The following PRKG1 variants were observed in gnomAD, a reference collection of about 807,000 sequenced individuals.
PRKG1 encodes the protein protein kinase cGMP-dependent 1, also known as cGMP-dependent protein kinase 1.
PRKG1 carries 35 observed loss-of-function variants against 88.1 expected under a neutral mutation model. That is an observed-to-expected ratio of 0.40 (90% CI 0.30 to 0.53). PRKG1 has a LOEUF of 0.53. Among genes scored for constraint, PRKG1 ranks in the 20% least tolerant of loss-of-function variants. The pLI, the probability that PRKG1 is intolerant of heterozygous loss-of-function variation, is 0.59. For synonymous variants in PRKG1, 303 were observed against 292.5 expected (o/e 1.04, Z -0.37); for missense variants, 540 against 839.8 (o/e 0.64, Z 4.41).
chr10:51,893,275 G>A lies in PRKG1; in HGVS notation c.699-14232G>A, dbSNP rs372099686. The stretch of plus-strand genomic sequence containing the variant: ...CAATAAATGTTTCTCTTCTGAATTC[G>A]TCTCAAGTAAATAGCCTCAAGGAAA... On this transcript the variant is annotated intron_variant, in intron 4 of 17. Coordinates refer to ENST00000373980, the MANE Select transcript of PRKG1 (RefSeq NM_006258.4). 2.1e-4 allele frequency among the ~76,000 whole-genome samples: 32 copies of A among 152,008 alleles called. 1 individual carries two copies. Among genetic ancestry groups the A allele is most frequent in the Middle Eastern group, 6.8e-3 (2 of 294 alleles).
At chr10:51,256,032 C>T (rs1254332987) in intron 2 of PRKG1, among the ~76,000 whole-genome samples, 1 of 152,076 alleles carries the variant, frequency 6.6e-6, no homozygotes, top group Non-Finnish European at 1.5e-5. Flanking sequence ...TACAAAATGT[C>T]CCCAGTGCTT....
chr10:52,233,120 C>G (rs1018084256), intron 9 of PRKG1, among the ~76,000 whole-genome samples: 1 of 149,138 alleles, frequency 6.7e-6, no homozygotes, highest in Non-Finnish European at 1.5e-5. Flanking sequence ...ACATAGGCCA[C>G]GTGAATTTGG....
At chr10:51,921,272 A>G (rs1361069588) in intron 5 of PRKG1, among the ~76,000 whole-genome samples, 3 of 152,046 alleles carry the variant, frequency 2.0e-5, no homozygotes, top group Non-Finnish European at 4.4e-5. Flanking sequence ...GTATCTTGCT[A>G]CCTTTCTATA....
At chr10:52,260,620 G>C (rs1272388547) in intron 10 of PRKG1, among the ~76,000 whole-genome samples, 1 of 152,058 alleles carries the variant, frequency 6.6e-6, no homozygotes, top group Non-Finnish European at 1.5e-5. Flanking sequence ...ATGTAAACAA[G>C]TTTTCAAAAC....
intron 3 of PRKG1, among the ~76,000 whole-genome samples, chr10:51,783,013 G>A (rs192358134): frequency 1.3e-5 from 2 of 151,970 alleles, no homozygotes; most frequent in Admixed American, 6.6e-5. Context: ...AGATTGCCAG[G>A]TGATTCATAT....
At chr10:51,599,908 A>C (rs1361371298) in intron 3 of PRKG1, among the ~76,000 whole-genome samples, 1 of 152,150 alleles carries the variant, frequency 6.6e-6, no homozygotes. Context: ...ATTTGCTTTC[A>C]AAATATATAT....
intron 2 of PRKG1, among the ~76,000 whole-genome samples, chr10:51,316,878 G>A (rs1349847789): frequency 1.3e-5 from 2 of 151,994 alleles, no homozygotes; most frequent in Non-Finnish European, 2.9e-5. Context: ...TTCTGAATGA[G>A]GCTTGAGATA....
chr10:51,285,527 T>G (rs2132211759), intron 2 of PRKG1, among the ~76,000 whole-genome samples: 1 of 152,324 alleles, frequency 6.6e-6, no homozygotes, highest in East Asian at 1.9e-4. Context: ...AGCAACATGA[T>G]CTGTTAAAAC....
intron 2 of PRKG1, among the ~76,000 whole-genome samples, chr10:51,395,909 A>C (rs1378848248): frequency 6.6e-6 from 1 of 152,220 alleles, no homozygotes; most frequent in Non-Finnish European, 1.5e-5. Flanking sequence ...TTTCCTGTCT[A>C]TTCTACCAAG....
intron 2 of PRKG1, among the ~76,000 whole-genome samples, chr10:51,430,026 A>G (rs1838712807): frequency 6.6e-6 from 1 of 152,078 alleles, no homozygotes; most frequent in South Asian, 2.1e-4. Context: ...TATCTTAACA[A>G]ACTCAGAGTG....
intron 8 of PRKG1, among the ~76,000 whole-genome samples, chr10:52,147,800 T>C (rs949767479): frequency 1.1e-4 from 16 of 152,156 alleles, no homozygotes; most frequent in African/African-American, 3.9e-4. Context: ...ACACCAAGAT[T>C]TCTATCCTGA....
At chr10:51,415,589 C>T (rs926310234) in intron 2 of PRKG1, among the ~76,000 whole-genome samples, 3 of 152,114 alleles carry the variant, frequency 2.0e-5, no homozygotes, top group African/African-American at 7.2e-5. Flanking sequence ...TAAGATTGCT[C>T]ATACAGGCAG....
intron 5 of PRKG1, among the ~76,000 whole-genome samples, chr10:51,935,767 A>C (rs1361058037): frequency 6.6e-6 from 1 of 152,066 alleles, no homozygotes; most frequent in Non-Finnish European, 1.5e-5. Flanking sequence ...TTTATTGGCT[A>C]TTATATTGTC....
chr10:52,014,292 G>A (rs1844976730), intron 5 of PRKG1, among the ~76,000 whole-genome samples: 1 of 152,090 alleles, frequency 6.6e-6, no homozygotes, highest in African/African-American at 2.4e-5. Flanking sequence ...AAAGTGAAGG[G>A]GAAGCAAGGT....
At chr10:51,383,388 TTG>T (rs1455413381) in intron 2 of PRKG1, among the ~76,000 whole-genome samples, 2 of 152,166 alleles carry the variant, frequency 1.3e-5, no homozygotes, top group Non-Finnish European at 1.5e-5. Flanking sequence ...AACACTTATA[TTG>T]TACTTTACTG....
chr10:51,295,115 T>C (rs965868786), intron 2 of PRKG1, among the ~76,000 whole-genome samples: 6 of 152,104 alleles, frequency 3.9e-5, no homozygotes, highest in Admixed American at 3.3e-4. Context: ...GCTTTGGCTA[T>C]TGAAGGTCTT....
chr10:51,705,534 T>A (rs953829563), intron 3 of PRKG1, among the ~76,000 whole-genome samples: 1 of 152,196 alleles, frequency 6.6e-6, no homozygotes, highest in Non-Finnish European at 1.5e-5. Flanking sequence ...TTTTTAACAA[T>A]GAAGAAACTC....
intron 9 of PRKG1, among the ~76,000 whole-genome samples, chr10:52,234,018 G>A (rs1406305050): frequency 2.0e-5 from 3 of 151,908 alleles, no homozygotes; most frequent in African/African-American, 7.3e-5. Flanking sequence ...TGACCCCCGA[G>A]CAGTCTAACT....
At chr10:52,264,579 A>T (rs577679284) in intron 10 of PRKG1, among the ~76,000 whole-genome samples, 1 of 152,156 alleles carries the variant, frequency 6.6e-6, no homozygotes, top group Non-Finnish European at 1.5e-5. Flanking sequence ...AAGAGAGCCA[A>T]AACTAAAAAA....
Sources: allele counts gnomAD v4.1 joint callset (sites outside exome capture counted in the v4.1 genomes callset), GRCh38; gene constraint gnomAD v4.1.1; transcripts MANE v1.5; gene names NCBI Gene and HGNC (gene_info 2026-07-23, HGNC 2026-07-21).